Variants in IRAK4 observed in about 807,000 individuals in gnomAD.
The protein encoded by IRAK4 is interleukin-1 receptor-associated kinase 4.
A neutral mutation model predicts 51.8 loss-of-function variants in IRAK4; 44 were observed. That is an observed-to-expected ratio of 0.85 (90% confidence interval 0.67 to 1.09). The LOEUF (loss-of-function observed/expected upper bound fraction) is 1.09. Among genes scored for constraint, IRAK4 ranks in the 50% least tolerant of loss-of-function variants. The pLI is 0.00. For synonymous variants in IRAK4, 149 were observed against 174.1 expected (o/e 0.86, Z 1.13); for missense variants, 487 against 538.0 (o/e 0.91, Z 0.94).
intron 1 of IRAK4, among the ~76,000 whole-genome samples, chr12:43,766,977 G>A (rs749217182): frequency 6.6e-6 from 1 of 152,092 alleles, no homozygotes; most frequent in Non-Finnish European, 1.5e-5. Context: ...ATTTAGATGT[G>A]GTCAAAGAAG....
chr12:43,785,774 A>G (rs1942162241), intron 10 of IRAK4, among the ~76,000 whole-genome samples: 1 of 151,804 alleles, frequency 6.6e-6, no homozygotes, highest in African/African-American at 2.4e-5. Context: ...GATATGACCT[A>G]CGACATACCT....
At chr12:43,759,149 TAG>T (rs1020907627) in intron 1 of IRAK4, 133 bp downstream of exon 1, 2 of 152,232 alleles carry the variant, frequency 1.3e-5, no homozygotes, top group Admixed American at 1.3e-4. Flanking sequence ...TGAGAAAAGT[TAG>T]AGAGGAAGTG....
intron 1 of IRAK4, among the ~76,000 whole-genome samples, chr12:43,761,670 C>T (rs4251569): frequency 0.1 from 15,393 of 152,186 alleles, 972 homozygotes; most frequent in Middle Eastern, 0.19. Context: ...GTTCATCTTC[C>T]CTCCACCCCT....
intron 6 of IRAK4, among the ~76,000 whole-genome samples, chr12:43,774,988 C>A (rs1056394702): frequency 4.6e-5 from 7 of 152,192 alleles, no homozygotes; most frequent in Admixed American, 3.9e-4. Flanking sequence ...TGTCCAAGAT[C>A]ACATAGCCAG....
chr12:43,767,525 A>G (rs2137893476), intron 1 of IRAK4, among the ~76,000 whole-genome samples: 1 of 152,204 alleles, frequency 6.6e-6, no homozygotes, highest in East Asian at 1.9e-4. Flanking sequence ...AATTGTGGTC[A>G]GGCAGATCTC....
In IRAK4 at chr12:43,772,891, GT is replaced by G; in HGVS notation, c.491-16del. On this transcript the variant is annotated intron_variant, in intron 4 of 11. Transcript: ENST00000613694. Reference sequence around the variant, plus strand: ...AAACGAATTTTTAAAATTTAAGCATGTTTTTCTTATTTTGACATAGGTTTTC... The same window carrying G: ...AAACGAATTTTTAAAATTTAAGCATGTTTTCTTATTTTGACATAGGTTTTC... The G allele has an allele frequency of 6.4e-7, 1 of 1,564,788 alleles. No homozygotes were observed. Among genetic ancestry groups the G allele is most frequent in the South Asian group, 1.2e-5 (1 of 85,624 alleles).
intron 2 of IRAK4, among the ~76,000 whole-genome samples, chr12:43,769,471 A>G (rs1400345167): frequency 6.6e-6 from 1 of 152,040 alleles, no homozygotes; most frequent in Admixed American, 6.6e-5. Context: ...ACCAGCCTGG[A>G]CAACATGGTA....
intron 10 of IRAK4, among the ~76,000 whole-genome samples, chr12:43,784,341 T>C (rs919887323): frequency 5.9e-5 from 9 of 152,220 alleles, no homozygotes; most frequent in Non-Finnish European, 8.8e-5. Context: ...GGAAGTCAGC[T>C]GGATCTCCTC....
intron 8 of IRAK4, among the ~76,000 whole-genome samples, chr12:43,779,944 G>T (rs779445520): frequency 6.6e-6 from 1 of 152,108 alleles, no homozygotes; most frequent in African/African-American, 2.4e-5. Context: ...ATTAAGAAAA[G>T]GTCACAAGAT....
chr12:43,776,822 A>G (rs935724689), intron 6 of IRAK4, among the ~76,000 whole-genome samples: 2 of 152,276 alleles, frequency 1.3e-5, no homozygotes, highest in African/African-American at 4.8e-5. Flanking sequence ...TCTCAAGTAT[A>G]TAAAGACACT....
At chr12:43,761,654 C>G (rs1034951011) in intron 1 of IRAK4, among the ~76,000 whole-genome samples, 1 of 152,200 alleles carries the variant, frequency 6.6e-6, no homozygotes, top group African/African-American at 2.4e-5. Flanking sequence ...CCTGTGCAAC[C>G]TCAAAGTTCA....
intron 1 of IRAK4, among the ~76,000 whole-genome samples, chr12:43,763,722 A>G (rs1310719162): frequency 7.3e-6 from 1 of 137,104 alleles, no homozygotes; most frequent in Non-Finnish European, 1.5e-5. Context: ...CCCTCCCCTC[A>G]TACTCCTCTC....
intron 1 of IRAK4, among the ~76,000 whole-genome samples, chr12:43,761,686 A>G (rs1939573995): frequency 6.6e-6 from 1 of 152,204 alleles, no homozygotes; most frequent in African/African-American, 2.4e-5. Context: ...CCCCTGCACA[A>G]TCTTTTCCTC....
At chr12:43,767,820 T>G (rs1940325883) in intron 1 of IRAK4, among the ~76,000 whole-genome samples, 1 of 152,216 alleles carries the variant, frequency 6.6e-6, no homozygotes, top group Admixed American at 6.5e-5. Flanking sequence ...TGCCCCTTTC[T>G]ATAAATTTTA....
chr12:43,785,266 C>A (rs1408732199), intron 10 of IRAK4, among the ~76,000 whole-genome samples: 1 of 152,108 alleles, frequency 6.6e-6, no homozygotes, highest in Non-Finnish European at 1.5e-5. Flanking sequence ...TTTTGGGGGA[C>A]CATGATTCAC....
intron 9 of IRAK4, 76 bp downstream of exon 9, chr12:43,782,566 A>G: frequency 8.5e-7 from 1 of 1,180,514 alleles, no homozygotes; most frequent in Non-Finnish European, 1.2e-6. Flanking sequence ...ATTATTTAAT[A>G]CACCCATCTT....
intron 10 of IRAK4, among the ~76,000 whole-genome samples, chr12:43,786,056 T>G (rs1942186251): frequency 6.7e-6 from 1 of 149,368 alleles, no homozygotes; most frequent in Non-Finnish European, 1.5e-5. Context: ...TTTTTTTTTT[T>G]GAGACAGAGT....
chr12:43,759,492 T>C (rs2137810965), intron 1 of IRAK4: 1 of 152,324 alleles, frequency 6.6e-6, no homozygotes, highest in Admixed American at 6.5e-5. Context: ...TGGAGGCGGC[T>C]TATGGGATCA....
In IRAK4 at chr12:43,788,833, A is replaced by C. The variant is rs1942379359; in HGVS notation, c.*2118A>C. On this transcript the variant is annotated 3_prime_UTR_variant, in exon 12 of 12. Transcript: ENST00000613694. ...AGTATTTAAAGTTTAATGTCTTCCC[A>C]GCTGGGTTTCAGACTTGCCAGGATC... The C allele has an allele frequency of 6.6e-6, 1 of 152,178 alleles. No homozygotes were observed. The highest frequency in any genetic ancestry group is 2.4e-5 in the African/African-American group (1 of 41,410). The allele number at this position is 152,178 out of a possible 1,614,324, so 9.4% of individuals were successfully genotyped here. A position where few individuals can be genotyped will look rare whatever the true frequency, so the allele number is the denominator to read the frequency against.
Sources: allele counts gnomAD v4.1 joint callset (sites outside exome capture counted in the v4.1 genomes callset), GRCh38; gene constraint gnomAD v4.1.1; transcripts MANE v1.5; gene names NCBI Gene and HGNC (gene_info 2026-07-23, HGNC 2026-07-21).